NT5C2: variants seen among roughly 807,000 people sequenced by gnomAD.
NT5C2 encodes the protein cytosolic purine 5'-nucleotidase.
In NT5C2, 58 loss-of-function variants were observed where a neutral mutation model predicts 76.1. The observed-to-expected ratio is 0.76, with a 90% CI of 0.62 to 0.95. The LOEUF is 0.95. Ranked by LOEUF, NT5C2 falls within the 40% of genes least tolerant of loss-of-function variation. The pLI, the probability that NT5C2 is intolerant of heterozygous loss-of-function variation, is 0.00. For synonymous variants in NT5C2, 229 were observed against 237.4 expected, an observed-to-expected ratio of 0.96 and a Z score of 0.32; for missense variants, 478 against 690.3, an observed-to-expected ratio of 0.69 and a Z score of 3.45.
intron 2 of NT5C2, among the ~76,000 whole-genome samples, chr10:103,178,689 G>C (rs1373951781): frequency 6.6e-6 from 1 of 151,696 alleles, no homozygotes; most frequent in Non-Finnish European, 1.5e-5. Context: ...AATTAGCTGG[G>C]CATGGTGGCA....
chr10:103,184,708 G>C (rs1019211422), intron 1 of NT5C2, among the ~76,000 whole-genome samples: 5 of 152,176 alleles, frequency 3.3e-5, no homozygotes, highest in African/African-American at 1.2e-4. Context: ...TACTCTAAAT[G>C]AATCTTTGTG....
Position 103,097,348 on chromosome 10 carries a change from C to A in NT5C2, c.714G>T (p.Arg238=). The change falls in exon 11 of 19, where the codon CGG becomes CGT. Residue 238 remains arginine (R), a synonymous_variant. Transcript: ENST00000404739. ...KDGKLPLLLS[R]MKEVGKVFLA... Reference sequence around the variant, plus strand: ...GAAATACTTTCCCTACTTCCTTCATCCGGCTCAGAAGCAAAGGCAGTTTTC... The same window carrying A: ...GAAATACTTTCCCTACTTCCTTCATACGGCTCAGAAGCAAAGGCAGTTTTC... 1.9e-6 allele frequency: 3 copies of A among 1,613,762 alleles called. No individual in the cohort carries two copies. The highest frequency in any genetic ancestry group is 2.5e-6 in the Non-Finnish European group (3 of 1,179,824).
intron 3 of NT5C2, among the ~76,000 whole-genome samples, chr10:103,152,371 CT>C (rs2082553445): frequency 6.6e-6 from 1 of 152,100 alleles, no homozygotes; most frequent in Non-Finnish European, 1.5e-5. Context: ...ACTTATACCC[CT>C]GGTTGTTCTC....
chr10:103,171,470 C>G (rs756237330), intron 3 of NT5C2, among the ~76,000 whole-genome samples: 54 of 152,256 alleles, frequency 3.5e-4, no homozygotes, highest in Non-Finnish European at 6.9e-4. Flanking sequence ...CCAGAAACAG[C>G]TAAGTGATTA....
At chr10:103,159,532 C>T (rs1235385086) in intron 3 of NT5C2, among the ~76,000 whole-genome samples, 1 of 151,696 alleles carries the variant, frequency 6.6e-6, no homozygotes, top group Non-Finnish European at 1.5e-5. Context: ...ATCTATAGTC[C>T]TAGCTACTTG....
chr10:103,094,280 G>A, intron 13 of NT5C2, 68 bp downstream of exon 13: 1 of 1,064,350 alleles, frequency 9.4e-7, no homozygotes, highest in Non-Finnish European at 1.5e-6. Context: ...CTTATGTAGA[G>A]TAAGAGTGGG....
chr10:103,117,191 CTG>C (rs1347600391), intron 4 of NT5C2, among the ~76,000 whole-genome samples: 1 of 152,200 alleles, frequency 6.6e-6, no homozygotes, highest in African/African-American at 2.4e-5. Flanking sequence ...CCAAAATAAG[CTG>C]TCTCTCTCTA....
In NT5C2 at chr10:103,170,496, TACAC is replaced by T. The variant is rs772215318; in HGVS notation, c.101+4358_101+4361del. Among the ~76,000 whole-genome samples, 145 of 150,614 alleles carry T rather than the reference TACAC, an allele frequency of 9.6e-4. 1 individual carries two copies. The highest frequency in any genetic ancestry group is 5.2e-4 in the Non-Finnish European group (35 of 67,796). On this transcript the variant is annotated intron_variant, in intron 3 of 18. Transcript: ENST00000404739. ...AGGAGTATACTCATTCAGGCTATGATACACACACACAAGCACACACACATGCACA... is the reference window on the plus strand; with the variant it reads ...AGGAGTATACTCATTCAGGCTATGATACACACAAGCACACACACATGCACA...
At chr10:103,106,096 CAT>C (rs1274937472) in intron 5 of NT5C2, among the ~76,000 whole-genome samples, 1 of 152,158 alleles carries the variant, frequency 6.6e-6, no homozygotes, top group Non-Finnish European at 1.5e-5. Context: ...CATTCTAAAA[CAT>C]AGTCTTTTTT....
intron 12 of NT5C2, among the ~76,000 whole-genome samples, chr10:103,095,505 G>C (rs1238924088): frequency 6.6e-6 from 1 of 152,214 alleles, no homozygotes; most frequent in Non-Finnish European, 1.5e-5. Flanking sequence ...AAGGCTGAGT[G>C]CTCTCTTGGC....
chr10:103,167,508 CAT>C lies in NT5C2; in HGVS notation c.101+7348_101+7349del, dbSNP rs1385575375. Among the ~76,000 whole-genome samples, 8 of 152,192 alleles carry C rather than the reference CAT, an allele frequency of 5.3e-5. No homozygotes were observed. In the East Asian group the frequency reaches 9.7e-4, roughly 18 times the overall value. On this transcript the variant is annotated intron_variant, in intron 3 of 18. Coordinates refer to ENST00000404739, the MANE Select transcript of NT5C2 (RefSeq NM_001351169.2). Reference sequence around the variant, plus strand: ...CAAAATTAAAAAGCTGAATGACATTCATATGATATCCATAAGTGATTAAAAGA... The same window carrying C: ...CAAAATTAAAAAGCTGAATGACATTCATGATATCCATAAGTGATTAAAAGA...
chr10:103,143,182 G>T (rs187213042), intron 3 of NT5C2, among the ~76,000 whole-genome samples: 18 of 152,158 alleles, frequency 1.2e-4, no homozygotes, highest in Non-Finnish European at 1.8e-4. Flanking sequence ...TAGGAAATTA[G>T]AATGATATAG....
At position 103,102,152 on chromosome 10, in the gene NT5C2, G is replaced by C. The variant is rs552715922; in HGVS notation, c.390-826C>G. ...GGCCACAAATTCTTCCTGTCTCTTT[G>C]TGATGCAATTTTGTGGCTCCTCCCA... On this transcript the variant is annotated intron_variant, in intron 6 of 18. Coordinates refer to ENST00000404739, the MANE Select transcript of NT5C2 (RefSeq NM_001351169.2). 2.6e-5 allele frequency among the ~76,000 whole-genome samples: 4 copies of C among 152,216 alleles called. No individual in the cohort carries two copies. The South Asian group carries it at 8.3e-4, about 32-fold the overall frequency.
chr10:103,153,646 A>G, intron 3 of NT5C2: 1 of 985,418 alleles, frequency 1.0e-6, no homozygotes, highest in East Asian at 1.1e-4. Context: ...AACACAGAAA[A>G]AGCAAATTTA....
chr10:103,091,678 G>T, intron 15 of NT5C2, 63 bp from the exon 16 acceptor site: 2 of 1,343,380 alleles, frequency 1.5e-6, no homozygotes, highest in Non-Finnish European at 2.1e-6. Context: ...GTTCTTAACT[G>T]CTGCTAAACT....
chr10:103,168,831 G>A (rs1481326100), intron 3 of NT5C2, among the ~76,000 whole-genome samples: 1 of 152,128 alleles, frequency 6.6e-6, no homozygotes, highest in Non-Finnish European at 1.5e-5. Flanking sequence ...TTCTTCTAAA[G>A]GGAAATTGTA....
At chr10:103,118,924 C>T (rs2075048984) in intron 4 of NT5C2, among the ~76,000 whole-genome samples, 1 of 151,692 alleles carries the variant, frequency 6.6e-6, no homozygotes, top group African/African-American at 2.4e-5. Flanking sequence ...TGGGGGAGGG[C>T]AAGAGTCCAA....
intron 1 of NT5C2, among the ~76,000 whole-genome samples, chr10:103,183,302 T>C (rs1162714634): frequency 1.1e-5 from 1 of 91,794 alleles, no homozygotes; most frequent in Non-Finnish European, 2.2e-5. Context: ...TATCACACAC[T>C]CCTTCCCTCC....
At chr10:103,134,318 A>G (rs188452447) in intron 4 of NT5C2, among the ~76,000 whole-genome samples, 284 of 152,258 alleles carry the variant, frequency 1.9e-3, no homozygotes, top group African/African-American at 6.0e-3. Flanking sequence ...CAGGCTCCCC[A>G]TGCTGTGTGC....
Sources: gnomAD v4.1 joint callset for allele counts (sites outside exome capture counted in the v4.1 genomes callset) on GRCh38, gnomAD v4.1.1 for gene constraint, MANE v1.5 for transcripts, NCBI Gene and HGNC (gene_info 2026-07-23, HGNC 2026-07-21) for gene names.